GABBR2: variants seen among roughly 807,000 people sequenced by gnomAD.
The protein encoded by GABBR2 is gamma-aminobutyric acid type B receptor subunit 2.
In GABBR2, 23 loss-of-function variants were observed where a neutral mutation model predicts 105.6. The observed-to-expected ratio is 0.22, with a 90% confidence interval of 0.16 to 0.31. The LOEUF (loss-of-function observed/expected upper bound fraction) is 0.31. Ranked by LOEUF, GABBR2 falls within the 10% of genes least tolerant of loss-of-function variation. The pLI is 1.00. For missense variants in GABBR2, 734 were observed against 1,245.5 expected, an observed-to-expected ratio of 0.59 and a Z score of 6.18; for synonymous variants, 478 against 499.7, an observed-to-expected ratio of 0.96 and a Z score of 0.58.
chr9:98,525,743 A>G (rs1238066347), intron 3 of GABBR2, among the ~76,000 whole-genome samples: 1 of 152,248 alleles, frequency 6.6e-6, no homozygotes, highest in East Asian at 1.9e-4. Context: ...TATTCATAAT[A>G]GTCAAAAGTA....
intron 1 of GABBR2, among the ~76,000 whole-genome samples, chr9:98,648,114 T>TAGATAGATAGATA (rs1345087108): frequency 0.026 from 2,667 of 101,742 alleles, 34 homozygotes; most frequent in African/African-American, 0.031. Flanking sequence ...TGTGTGTGTG[T>TAGATAGATAGATA]GTATAGATAG....
At chr9:98,544,204 C>A (rs1258784877) in intron 2 of GABBR2, among the ~76,000 whole-genome samples, 2 of 152,182 alleles carry the variant, frequency 1.3e-5, no homozygotes, top group African/African-American at 2.4e-5. Context: ...GAAATAACAT[C>A]CTGGTACCCT....
At chr9:98,515,611 G>T (rs2808566) in intron 3 of GABBR2, among the ~76,000 whole-genome samples, 73,772 of 151,688 alleles carry the variant, frequency 0.49, 18,491 homozygotes, top group East Asian at 0.76. Context: ...CTGAAGGGCT[G>T]GGACTCGCCT....
chr9:98,394,224 G>A lies in GABBR2; in HGVS notation c.1329C>T (p.Asn443=), dbSNP rs778274646. Reference sequence around the variant, plus strand: ...TGATCTCCAGTGTGTCGGCCACAGCGTTGTACTCTCCCACCTTCACCTCCC... The same window carrying A: ...TGATCTCCAGTGTGTCGGCCACAGCATTGTACTCTCCCACCTTCACCTCCC... The part of the protein sequence containing the change: ...DSREVKVGEY[N]AVADTLEIIN... The change falls in exon 9 of 19, where the codon AAC becomes AAT. Residue 443 remains asparagine, a synonymous_variant. Transcript: ENST00000259455. 33 of 1,613,878 alleles carry A rather than the reference G, an allele frequency of 2.0e-5. No individual in the cohort carries two copies. The highest frequency in any genetic ancestry group is 1.6e-4 in the African/African-American group (12 of 75,044).
chr9:98,706,100 CAAAAAAAACAAAAAAA>C (rs1830889074), intron 1 of GABBR2, among the ~76,000 whole-genome samples: 2 of 31,268 alleles, frequency 6.4e-5, no homozygotes, highest in African/African-American at 1.9e-4. Flanking sequence ...CAAAACAAAA[CAAAAAAAACAAAAAAA>C]AAAAAAAAAA....
chr9:98,519,938 G>C (rs1363047496), intron 3 of GABBR2, among the ~76,000 whole-genome samples: 2 of 152,156 alleles, frequency 1.3e-5, no homozygotes, highest in African/African-American at 4.8e-5. Flanking sequence ...AGAGCCTATG[G>C]TTCTATTTTT....
At chr9:98,614,646 G>T (rs1689661255) in intron 1 of GABBR2, among the ~76,000 whole-genome samples, 1 of 152,158 alleles carries the variant, frequency 6.6e-6, no homozygotes, top group Non-Finnish European at 1.5e-5. Context: ...ACTATAGATT[G>T]TTTATGGACA....
chr9:98,363,441 T>C (rs945972315), intron 12 of GABBR2, among the ~76,000 whole-genome samples: 2 of 152,192 alleles, frequency 1.3e-5, no homozygotes, highest in African/African-American at 4.8e-5. Context: ...ATGAGCAAAC[T>C]GAGGCTTAAA....
chr9:98,655,645 A>G (rs1360854440), intron 1 of GABBR2, among the ~76,000 whole-genome samples: 1 of 152,240 alleles, frequency 6.6e-6, no homozygotes, highest in African/African-American at 2.4e-5. Context: ...ACCATGGAAT[A>G]CTATGCAGCC....
At chr9:98,482,297 T>G (rs1201528576) in intron 4 of GABBR2, among the ~76,000 whole-genome samples, 1 of 152,212 alleles carries the variant, frequency 6.6e-6, no homozygotes, top group African/African-American at 2.4e-5. Flanking sequence ...GCCTGGATTC[T>G]AAAATCATCT....
At chr9:98,699,498 T>TCTTAGAA (rs1271100923) in intron 1 of GABBR2, among the ~76,000 whole-genome samples, 1 of 152,176 alleles carries the variant, frequency 6.6e-6, no homozygotes, top group Non-Finnish European at 1.5e-5. Flanking sequence ...CCATTAATCC[T>TCTTAGAA]CTTAGAACTG....
At chr9:98,398,332 C>CCCA (rs1554700491) in intron 8 of GABBR2, among the ~76,000 whole-genome samples, 1 of 151,708 alleles carries the variant, frequency 6.6e-6, no homozygotes, top group African/African-American at 2.4e-5. Context: ...ACCCACCCCC[C>CCCA]AAACTCAGGC....
chr9:98,445,390 C>T (rs1826108505), intron 7 of GABBR2, among the ~76,000 whole-genome samples: 1 of 152,164 alleles, frequency 6.6e-6, no homozygotes, highest in African/African-American at 2.4e-5. Context: ...TAAAGTTACA[C>T]ATATGGTAAC....
At chr9:98,456,826 T>G (rs1187479487) in intron 6 of GABBR2, among the ~76,000 whole-genome samples, 1 of 152,268 alleles carries the variant, frequency 6.6e-6, no homozygotes, top group Admixed American at 6.5e-5. Flanking sequence ...AATCTTAATT[T>G]GCATTTCTTT....
chr9:98,503,311 A>T (rs989174653), intron 3 of GABBR2, among the ~76,000 whole-genome samples: 2 of 152,198 alleles, frequency 1.3e-5, no homozygotes, highest in Admixed American at 1.3e-4. Flanking sequence ...GTCGGAATGA[A>T]CTGAGAAAGA....
In GABBR2 at chr9:98,306,289, G is replaced by A. The variant is rs1286722453; in HGVS notation, c.2061C>T (p.Asn687=). The change falls in exon 15 of 19, where the codon AAC becomes AAT. Residue 687 remains asparagine, a synonymous_variant. Transcript: ENST00000259455. The surrounding 1 kb of genome is among the most constrained non-coding windows in gnomAD (Gnocchi z 5.4). ...CACTCATCCCGATGTACTTGCTGTCGTTGAGTGCGGGGATGCTGACGTTGC... is the reference window on the plus strand; with the variant it reads ...CACTCATCCCGATGTACTTGCTGTCATTGAGTGCGGGGATGCTGACGTTGC... ...ETRNVSIPAL[N]DSKYIGMSVY... is the part of the protein sequence containing the mutation. The A allele has an allele frequency of 6.8e-6, 11 of 1,614,010 alleles. No individual in the cohort carries two copies. The highest frequency in any genetic ancestry group is 2.7e-5 in the African/African-American group (2 of 74,936).
intron 2 of GABBR2, among the ~76,000 whole-genome samples, chr9:98,558,556 G>A (rs1029600321): frequency 6.6e-6 from 1 of 152,182 alleles, no homozygotes; most frequent in African/African-American, 2.4e-5. Flanking sequence ...GTTCATGGCT[G>A]GCAGGGCTAA....
intron 11 of GABBR2, chr9:98,375,351 G>A (rs1440785985): frequency 6.6e-6 from 1 of 152,156 alleles, no homozygotes; most frequent in Non-Finnish European, 1.5e-5. Context: ...CTTGCAGGGA[G>A]GTCATGACTA....
intron 13 of GABBR2, among the ~76,000 whole-genome samples, chr9:98,318,667 G>A (rs1286650492): frequency 6.6e-6 from 1 of 152,154 alleles, no homozygotes; most frequent in Non-Finnish European, 1.5e-5. Context: ...GGGTGGAAAG[G>A]GTTCCTAGGC....
Sources: gnomAD v4.1 joint callset for allele counts (sites outside exome capture counted in the v4.1 genomes callset) on GRCh38, gnomAD v4.1.1 for gene constraint, Gnocchi (gnomAD v3.1) non-coding constraint, MANE v1.5 for transcripts, NCBI Gene and HGNC (gene_info 2026-07-23, HGNC 2026-07-21) for gene names.